DOCK6: variants seen among roughly 807,000 people sequenced by gnomAD.
DOCK6 encodes dedicator of cytokinesis 6.
A neutral mutation model predicts 230.3 loss-of-function variants in DOCK6; 167 were observed. The ratio of observed to expected loss-of-function variants is 0.73; its 90% CI spans 0.64 to 0.82. The LOEUF is 0.82. Among genes scored for constraint, DOCK6 ranks in the 40% least tolerant of loss-of-function variants. The probability of loss-of-function intolerance (pLI) is 0.00; values close to 1 mark genes in which losing one functional copy is unlikely to be tolerated. For missense variants in DOCK6, 2,598 were observed against 2,825.8 expected (o/e 0.92, Z 1.83); for synonymous variants, 1,148 against 1,185.0 (o/e 0.97, Z 0.64).
chr19:11,261,010 A>G (rs1483604081), intron 1 of DOCK6, among the ~76,000 whole-genome samples: 3 of 152,060 alleles, frequency 2.0e-5, no homozygotes, highest in Non-Finnish European at 4.4e-5. Context: ...ATTTACAGAC[A>G]AAGATAATGA....
chr19:11,255,033 G>A (rs1252773367), intron 1 of DOCK6, among the ~76,000 whole-genome samples: 10 of 152,116 alleles, frequency 6.6e-5, no homozygotes, highest in African/African-American at 1.9e-4. Context: ...ATGGAGTTTC[G>A]CTCTTGTTGC....
In DOCK6 at chr19:11,213,185, C is replaced by A. The variant is rs754100528; in HGVS notation, c.4482G>T (p.Glu1494Asp). The change falls in exon 35 of 48, where the codon GAG becomes GAT. Residue 1494 changes from glutamate to aspartate, a missense_variant. Coordinates refer to ENST00000294618, the MANE Select transcript of DOCK6 (RefSeq NM_020812.4). ...SLYLLMRQNF[E>D]IGHNFARVKM... is the part of the protein sequence containing the mutation. ...CCTAGCCCCCACTCACGTGGCCGATCTCGAAGTTCTGTCGCATGAGCAGGT... is the reference window on the plus strand; with the variant it reads ...CCTAGCCCCCACTCACGTGGCCGATATCGAAGTTCTGTCGCATGAGCAGGT... 1 of 1,612,000 alleles carries A rather than the reference C, an allele frequency of 6.2e-7. No homozygotes were observed. The highest frequency in any genetic ancestry group is 1.7e-5 in the Admixed American group (1 of 59,990).
At position 11,214,546 on chromosome 19, in the gene DOCK6, G is replaced by C; in HGVS notation, c.4203+7C>G. 1.9e-6 allele frequency: 3 copies of C among 1,613,908 alleles called. No homozygotes were observed. The highest frequency in any genetic ancestry group is 2.5e-6 in the Non-Finnish European group (3 of 1,179,866). On this transcript the variant is annotated splice_region_variant and intron_variant, in intron 33 of 47. Transcript: ENST00000294618. The stretch of plus-strand genomic sequence containing the variant: ...GAGCACAAGGCAGATGCTGGATCAA[G>C]CCCTACCTGCACGATGATCTCCAGT...
rs1254500820 is a variant in DOCK6, at chr19:11,236,861, G to A, written c.2092C>T (p.Arg698Cys). The change falls in exon 19 of 48, where the codon CGC (arginine) becomes TGC (cysteine). Residue 698 changes from arginine to cysteine, a missense_variant. By Grantham distance (180) the Arg-to-Cys change is radical. Transcript: ENST00000294618. This position sits in a 1 kb window ranked among gnomAD's most constrained non-coding sequence, Gnocchi z 5.2. ...ACGCCCTTGTGACCGTCCACCCAGC[G>A]CATGCCCGGAAGCGCCACCTGTGGG... ...LTPDVALPGM[R>C]WVDGHKGVFS... 1.9e-6 allele frequency: 3 copies of A among 1,554,128 alleles called. No individual in the cohort carries two copies. Among genetic ancestry groups the A allele is most frequent in the Middle Eastern group, 1.7e-4 (1 of 5,992 alleles).
At position 11,222,648 on chromosome 19, in the gene DOCK6, G is replaced by A. The variant is rs2079598083; in HGVS notation, c.3240+87C>T. 7.3e-6 allele frequency: 10 copies of A among 1,373,780 alleles called. No homozygotes were observed. Among genetic ancestry groups the A allele is most frequent in the Non-Finnish European group, 8.8e-6 (9 of 1,017,378 alleles). 85.1% of individuals were successfully genotyped at this position (1,373,780 alleles called of 1,614,324 possible). On this transcript the variant is annotated intron_variant, in intron 26 of 47. Coordinates refer to ENST00000294618, the MANE Select transcript of DOCK6 (RefSeq NM_020812.4). This position sits in a 1 kb window ranked among gnomAD's most constrained non-coding sequence, Gnocchi z 4.0. ...ACCTAGGCAGTGGTCCACCGTGAAA[G>A]GGACAGAGATGAGGGAACCATAGGA... is the stretch of plus-strand genomic sequence containing the variant.
In DOCK6 at chr19:11,250,944, C is replaced by A. The variant is rs35464191; in HGVS notation, c.650G>T (p.Arg217Leu). The A allele has an allele frequency of 1.4e-5, 23 of 1,613,332 alleles. No homozygotes were observed. Among genetic ancestry groups the A allele is most frequent in the Non-Finnish European group, 1.9e-5 (22 of 1,179,500 alleles). Residue 217 changes from arginine to leucine, a missense_variant, in exon 6 of 48, where the codon CGG (arginine) becomes CTG (leucine). Coordinates refer to ENST00000294618, the MANE Select transcript of DOCK6 (RefSeq NM_020812.4). ...CTGCCGTCGAAGGGTTTCATTGCGC[C>A]GGTCCACATCTTCTGGGGCCGCCCG... ...LERAAPEDVD[R>L]RNETLRRQHR...
intron 6 of DOCK6, among the ~76,000 whole-genome samples, chr19:11,249,854 C>A (rs1366927963): frequency 1.5e-5 from 2 of 135,514 alleles, no homozygotes; most frequent in Non-Finnish European, 3.1e-5. Context: ...GCCGAGATAG[C>A]GCCACTGCAG....
Position 11,200,400 on chromosome 19 carries a change from C to T in DOCK6, c.6009G>A (p.Leu2003=). The T allele has an allele frequency of 6.2e-7, 1 of 1,608,768 alleles. No homozygotes were observed. Among genetic ancestry groups the T allele is most frequent in the Non-Finnish European group, 8.5e-7 (1 of 1,177,820 alleles). The change falls in exon 47 of 48, where the codon CTG becomes CTA. Residue 2003 remains leucine (L), a synonymous_variant. Transcript: ENST00000294618. The surrounding 1 kb of genome is among the most constrained non-coding windows in gnomAD (Gnocchi z 4.3). ...CCCGCAGGCGGCAGTAGTTGCGCTC[C>T]AGCTCACGGTGGTACTCCTTCTGGT... ...GPDQKEYHRE[L]ERNYCRLREA...
intron 28 of DOCK6, among the ~76,000 whole-genome samples, chr19:11,219,651 G>A (rs945008451): frequency 7.2e-5 from 11 of 151,742 alleles, no homozygotes; most frequent in African/African-American, 1.2e-4. Flanking sequence ...CTAGTCAGGC[G>A]TGGTGACGGG....
At chr19:11,240,427 G>A in intron 14 of DOCK6, 1 of 949,952 alleles carries the variant, frequency 1.1e-6, no homozygotes, top group Non-Finnish European at 1.5e-6. Flanking sequence ...CATGTCCCCA[G>A]ACAAAACTCA....
rs767593557 is a variant in DOCK6, at chr19:11,233,103, G to A, written c.2718+100C>T. On this transcript the variant is annotated intron_variant, in intron 22 of 47. Coordinates refer to ENST00000294618, the MANE Select transcript of DOCK6 (RefSeq NM_020812.4). ...GAGTGACGCCTTCATTCACGTTGTC[G>A]TCTCTGTTGTTTCCCATGCTTCATC... is the stretch of plus-strand genomic sequence containing the variant. The A allele has an allele frequency of 2.3e-4, 333 of 1,457,398 alleles. 2 individuals carry two copies. The highest frequency in any genetic ancestry group is 7.3e-4 in the Middle Eastern group (3 of 4,108). The allele number at this position is 1,457,398 out of a possible 1,614,324, so 90.3% of individuals were successfully genotyped here.
At chr19:11,230,410 G>A (rs546678200) in intron 22 of DOCK6, among the ~76,000 whole-genome samples, 1 of 152,344 alleles carries the variant, frequency 6.6e-6, no homozygotes, top group South Asian at 2.1e-4. Flanking sequence ...ACCAGTGACA[G>A]CAGTGCAACC....
rs1040552817 is a variant in DOCK6 at position 11,237,854 on chromosome 19, C to T, written c.1833-75G>A. ...CTGCCCCATCACCTCTGCCATGCCA[C>T]GCCCTTATTGCTGCTAGGCCCCACT... On this transcript the variant is annotated intron_variant, in intron 16 of 47. Coordinates refer to ENST00000294618, the MANE Select transcript of DOCK6 (RefSeq NM_020812.4). 58 of 1,483,762 alleles carry T rather than the reference C, an allele frequency of 3.9e-5. 1 individual carries two copies. In the African/African-American group the frequency reaches 4.3e-4, roughly 11 times the overall value. The allele number at this position is 1,483,762 out of a possible 1,614,324, so 91.9% of individuals were successfully genotyped here.
intron 23 of DOCK6, 31 bp from the exon 24 acceptor site, chr19:11,227,508 G>T (rs756534329): frequency 6.0e-6 from 9 of 1,500,892 alleles, no homozygotes; most frequent in Non-Finnish European, 7.1e-6. Flanking sequence ...CTGTGGGTGG[G>T]ATTTGAAGGG....
chr19:11,205,668 G>A (rs1176699767), intron 39 of DOCK6: 1 of 152,052 alleles, frequency 6.6e-6, no homozygotes, highest in Non-Finnish European at 1.5e-5. Flanking sequence ...GTAGAGATGG[G>A]GTTTCACTAT....
rs1280632380 is a variant in DOCK6, at chr19:11,231,043, C to T, written c.2719-2008G>A. 1.2e-4 allele frequency among the ~76,000 whole-genome samples: 19 copies of T among 152,194 alleles called. 1 individual carries two copies. The highest frequency in any genetic ancestry group is 1.2e-3 in the Admixed American group (18 of 15,280). On this transcript the variant is annotated intron_variant, in intron 22 of 47. Transcript: ENST00000294618. The stretch of plus-strand genomic sequence containing the variant: ...TTGAAAAGGCCCAGCCTCAGTGTCA[C>T]CCAGATTTCCAGATTCCCAGCAATC...
At chr19:11,218,931 T>C (rs2079537709) in intron 28 of DOCK6, among the ~76,000 whole-genome samples, 1 of 135,144 alleles carries the variant, frequency 7.4e-6, no homozygotes, top group African/African-American at 2.9e-5. Flanking sequence ...CAGGCTGGAG[T>C]GCAGTAGAAT....
chr19:11,200,345 G>T lies in DOCK6; in HGVS notation c.6064C>A (p.Leu2022Met). 5.1e-6 allele frequency: 8 copies of T among 1,577,896 alleles called. No homozygotes were observed. Among genetic ancestry groups the T allele is most frequent in the Non-Finnish European group, 6.0e-6 (7 of 1,161,892 alleles). The change falls in exon 47 of 48, where the codon CTG becomes ATG. Residue 2022 changes from leucine to methionine, a missense_variant. Leu to Met is a conservative substitution (Grantham distance 15, BLOSUM62 2). Transcript: ENST00000294618. This position sits in a 1 kb window ranked among gnomAD's most constrained non-coding sequence, Gnocchi z 4.3. ...GGGGTGGGTGCCATCAGCTGGGGCA[G>T]GCGCTGGGTAAGCAGGGGCTGCAGA... Reference protein sequence around the residue: ...EALQPLLTQRLPQLMAPTPPG... With the variant: ...EALQPLLTQRMPQLMAPTPPG...
intron 14 of DOCK6, among the ~76,000 whole-genome samples, chr19:11,239,144 C>G (rs1206564772): frequency 1.3e-5 from 2 of 152,012 alleles, no homozygotes; most frequent in African/African-American, 4.8e-5. Flanking sequence ...TCTTGGAGAT[C>G]AGGCTGTGTG....
Sources: gnomAD v4.1 joint callset for allele counts (sites outside exome capture counted in the v4.1 genomes callset) on GRCh38, gnomAD v4.1.1 for gene constraint, Gnocchi (gnomAD v3.1) non-coding constraint, MANE v1.5 for transcripts, NCBI Gene and HGNC (gene_info 2026-07-23, HGNC 2026-07-21) for gene names.